The following EHD4 variants were observed in gnomAD, a reference collection of about 807,000 sequenced individuals.
The protein encoded by EHD4 is EH domain containing 4, also known as EH domain-containing protein 4.
EHD4 carries 37 observed loss-of-function variants against 51.0 expected under a neutral mutation model. The observed-to-expected ratio is 0.73, with a 90% CI of 0.56 to 0.95. The LOEUF (loss-of-function observed/expected upper bound fraction) is 0.95. Among genes scored for constraint, EHD4 ranks in the 40% least tolerant of loss-of-function variants. The pLI is 0.00. For synonymous variants in EHD4, 297 were observed against 317.3 expected (o/e 0.94, Z 0.68); for missense variants, 632 against 733.1 (o/e 0.86, Z 1.59).
intron 2 of EHD4, among the ~76,000 whole-genome samples, chr15:41,950,291 C>T (rs1021499790): frequency 6.6e-6 from 1 of 152,204 alleles, no homozygotes; most frequent in African/African-American, 2.4e-5. Flanking sequence ...TCACCTGGTA[C>T]TTAACTCTTT....
At chr15:41,911,866 A>G in intron 4 of EHD4, among the ~76,000 whole-genome samples, 1 of 152,050 alleles carries the variant, frequency 6.6e-6, no homozygotes, top group East Asian at 1.9e-4. Context: ...GGTACCTCTG[A>G]GCCGCCAGGC....
intron 5 of EHD4, among the ~76,000 whole-genome samples, chr15:41,909,239 C>T (rs1286758774): frequency 2.6e-5 from 4 of 152,246 alleles, no homozygotes; most frequent in Non-Finnish European, 1.5e-5. Flanking sequence ...CAGCAGCGTC[C>T]GCAGAGCCCC....
At chr15:41,934,173 T>A (rs1216379650) in intron 3 of EHD4, among the ~76,000 whole-genome samples, 1 of 152,058 alleles carries the variant, frequency 6.6e-6, no homozygotes, top group East Asian at 1.9e-4. Flanking sequence ...GTTTTGGGGA[T>A]GGCAGGGTAT....
chr15:41,936,282 C>T (rs1001270751), intron 3 of EHD4, among the ~76,000 whole-genome samples: 3 of 152,182 alleles, frequency 2.0e-5, no homozygotes, highest in Admixed American at 6.5e-5. Context: ...TCTTTGAAGA[C>T]AAGCTACCAT....
At chr15:41,964,385 T>C (rs889116000) in intron 1 of EHD4, among the ~76,000 whole-genome samples, 1 of 152,128 alleles carries the variant, frequency 6.6e-6, no homozygotes, top group Admixed American at 6.6e-5. Flanking sequence ...TGAGGATCGC[T>C]TGAGCTCAGG....
chr15:41,924,117 G>A (rs996261873), intron 3 of EHD4, among the ~76,000 whole-genome samples: 4 of 152,216 alleles, frequency 2.6e-5, no homozygotes, highest in African/African-American at 9.6e-5. Flanking sequence ...AATTTGAGCT[G>A]TGGTTACTCT....
In EHD4 at chr15:41,900,726, G is replaced by C. The variant is rs141440763; in HGVS notation, c.1545C>G (p.Leu515=). The C allele has an allele frequency of 6.2e-7, 1 of 1,612,124 alleles. No homozygotes were observed. The highest frequency in any genetic ancestry group is 2.2e-5 in the East Asian group (1 of 44,886). ...ALAKHLIKIK[L]DGYELPSSLP... ...GGCTGCTGGGCAGCTCGTAGCCGTC[G>C]AGCTTGATCTTGATGAGGTGCTTGG... The change falls in exon 6 of 6, where the codon CTC becomes CTG. Residue 515 remains leucine (L), a synonymous_variant. Transcript: ENST00000220325. This position sits in a 1 kb window ranked among gnomAD's most constrained non-coding sequence, Gnocchi z 4.8.
rs56023420 is a variant in EHD4 at position 41,902,241 on chromosome 15, CTCCATCCA to C, written c.1090-1068_1090-1061del. Reference sequence around the variant, plus strand: ...TTCCTACCTTGGTTCTCCTTGGTTACTCCATCCATCCATCCATCCATCCATCCATCCAT... The same window carrying C: ...TTCCTACCTTGGTTCTCCTTGGTTACTCCATCCATCCATCCATCCATCCAT... On this transcript the variant is annotated intron_variant, in intron 5 of 5. Transcript: ENST00000220325. 4.1e-3 allele frequency among the ~76,000 whole-genome samples: 596 copies of C among 146,310 alleles called. 4 individuals carry two copies. The highest frequency in any genetic ancestry group is 9.7e-3 in the African/African-American group (378 of 39,064).
intron 1 of EHD4, among the ~76,000 whole-genome samples, chr15:41,955,924 C>A (rs1197778138): frequency 6.6e-6 from 1 of 152,184 alleles, no homozygotes; most frequent in African/African-American, 2.4e-5. Context: ...CCTCCACTCA[C>A]GTCCAGTTTG....
intron 1 of EHD4, among the ~76,000 whole-genome samples, chr15:41,966,416 C>G (rs1387412795): frequency 1.3e-5 from 2 of 152,292 alleles, no homozygotes; most frequent in East Asian, 1.9e-4. Flanking sequence ...TTCTTGGTAG[C>G]AGCATCCTCA....
Position 41,972,389 on chromosome 15 carries a change from C to T in EHD4, c.106G>A (p.Val36Met). The T allele has an allele frequency of 1.2e-6, 2 of 1,611,020 alleles. No homozygotes were observed. The highest frequency in any genetic ancestry group is 1.7e-6 in the Non-Finnish European group (2 of 1,178,880). ...CGGTACGCCTCCTCCAGCGGCAGCA[C>T]CTTGCGCAGGTAGAGCGAGCGCAGC... ...GGLRSLYLRK[V>M]LPLEEAYRFH... Residue 36 changes from valine to methionine, a missense_variant, in exon 1 of 6, where the codon GTG (valine) becomes ATG (methionine). Coordinates refer to ENST00000220325, the MANE Select transcript of EHD4 (RefSeq NM_139265.4).
intron 4 of EHD4, among the ~76,000 whole-genome samples, chr15:41,916,134 T>C (rs2067582249): frequency 1.3e-5 from 2 of 152,348 alleles, no homozygotes; most frequent in East Asian, 1.9e-4. Flanking sequence ...ATCTGAAAAC[T>C]TACCCTTTGC....
rs1296442589 is a variant in EHD4, at chr15:41,901,087, G to A, written c.1184C>T (p.Pro395Leu). The A allele has an allele frequency of 1.9e-6, 3 of 1,612,598 alleles. No individual in the cohort carries two copies. The South Asian group carries it at 3.3e-5, about 18-fold the overall frequency. Reference sequence around the variant, plus strand: ...CTCCTGGCTGATGAGGTTCATGAGGGGCGAGATCTTGTTGCTCAGCATGTT... The same window carrying A: ...CTCCTGGCTGATGAGGTTCATGAGGAGCGAGATCTTGTTGCTCAGCATGTT... ...VDNMLSNKIS[P>L]LMNLISQEET... Residue 395 changes from proline (P) to leucine (L), a missense_variant, in exon 6 of 6, where the codon CCC (proline) becomes CTC (leucine). Pro to Leu is a moderately conservative substitution (Grantham distance 98). Transcript: ENST00000220325.
At position 41,919,211 on chromosome 15, in the gene EHD4, T is replaced by C. The variant is rs201137614; in HGVS notation, c.923A>G (p.Lys308Arg). Residue 308 changes from lysine (K) to arginine (R), a missense_variant and splice_region_variant, in exon 4 of 6, where the codon AAG becomes AGG. Physicochemically the swap from Lys to Arg is conservative, Grantham distance 26. Coordinates refer to ENST00000220325, the MANE Select transcript of EHD4 (RefSeq NM_139265.4). Reference protein sequence around the residue: ...NDLIKRARLAKVHAYIISYLK... With the variant: ...NDLIKRARLARVHAYIISYLK... Reference sequence around the variant, plus strand: ...TGTGCAAGGCATCTCCTGGCTTACCTTGGCCAGCCTCGCTCGCTTGATGAG... The same window carrying C: ...TGTGCAAGGCATCTCCTGGCTTACCCTGGCCAGCCTCGCTCGCTTGATGAG... 44 of 1,613,750 alleles carry C rather than the reference T, an allele frequency of 2.7e-5. No individual in the cohort carries two copies. In the African/African-American group the frequency reaches 4.5e-4, roughly 17 times the overall value.
intron 3 of EHD4, among the ~76,000 whole-genome samples, chr15:41,939,931 G>A (rs1018174187): frequency 1.3e-5 from 2 of 151,886 alleles, no homozygotes; most frequent in Admixed American, 6.6e-5. Context: ...TCATTTATAC[G>A]GCTCCTAAAC....
In EHD4 at chr15:41,942,247, GTT is replaced by G. The variant is rs570868200; in HGVS notation, c.511+818_511+819del. On this transcript the variant is annotated intron_variant, in intron 3 of 5. Coordinates refer to ENST00000220325, the MANE Select transcript of EHD4 (RefSeq NM_139265.4). ...GAGATAGCAGGCCCACCGGTTTTTT[GTT>G]TTTTTTTTTTTTTTTGAGACGGAGT... 157 of 137,522 alleles carry G rather than the reference GTT, an allele frequency of 1.1e-3. 1 individual carries two copies. Among genetic ancestry groups the G allele is most frequent in the East Asian group, 8.8e-3 (41 of 4,664 alleles). 8.5% of individuals were successfully genotyped at this position (137,522 alleles called of 1,614,324 possible). A position where few individuals can be genotyped will look rare whatever the true frequency, so the allele number is the denominator to read the frequency against.
intron 1 of EHD4, among the ~76,000 whole-genome samples, chr15:41,957,464 A>G (rs1160123692): frequency 6.6e-6 from 1 of 152,146 alleles, no homozygotes; most frequent in Non-Finnish European, 1.5e-5. Context: ...CATGGTCTAT[A>G]TACTCAGTAC....
At chr15:41,937,349 G>A (rs2140996664) in intron 3 of EHD4, among the ~76,000 whole-genome samples, 1 of 152,242 alleles carries the variant, frequency 6.6e-6, no homozygotes, top group East Asian at 1.9e-4. Context: ...CAACAGGAAG[G>A]GCAGCCACAG....
intron 2 of EHD4, among the ~76,000 whole-genome samples, chr15:41,947,985 G>A (rs926961548): frequency 3.3e-4 from 49 of 148,644 alleles, no homozygotes; most frequent in African/African-American, 1.1e-3. Context: ...GGCCAGGCGC[G>A]GTGGCTCACG....
Sources: gnomAD v4.1 joint callset for allele counts (sites outside exome capture counted in the v4.1 genomes callset) on GRCh38, gnomAD v4.1.1 for gene constraint, Gnocchi (gnomAD v3.1) non-coding constraint, MANE v1.5 for transcripts, NCBI Gene and HGNC (gene_info 2026-07-23, HGNC 2026-07-21) for gene names.